FAM124A: variants seen among roughly 807,000 people sequenced by gnomAD.
FAM124A encodes the protein family with sequence similarity 124 member A, also known as protein FAM124A.
A neutral mutation model predicts 24.5 loss-of-function variants in FAM124A; 23 were observed. The observed-to-expected ratio is 0.94, with a 90% confidence interval of 0.68 to 1.33. FAM124A has a LOEUF of 1.33. FAM124A is among the 40% of genes most tolerant of loss of function. The pLI is 0.00. For missense variants in FAM124A, 623 were observed against 722.8 expected, an observed-to-expected ratio of 0.86 and a Z score of 1.58; for synonymous variants, 287 against 314.7, an observed-to-expected ratio of 0.91 and a Z score of 0.93.
At chr13:51,239,832 GTAGA>G (rs67600869) in intron 2 of FAM124A, among the ~76,000 whole-genome samples, 6,509 of 152,270 alleles carry the variant, frequency 0.043, 303 homozygotes, top group East Asian at 0.26. Context: ...AGATACATAT[GTAGA>G]TAGATAGTAG....
rs556675883 is a variant in FAM124A, at chr13:51,239,581, C to T, written c.100+8202C>T. Among the ~76,000 whole-genome samples the T allele has an allele frequency of 6.6e-5, 10 of 152,292 alleles. No homozygotes were observed. The South Asian group carries it at 1.9e-3, about 28-fold the overall frequency. ...TATTGTTGGTCCTATAGGTTGTATTCACTGTTTTACTACTGTAAACAGCAT... is the reference window on the plus strand; with the variant it reads ...TATTGTTGGTCCTATAGGTTGTATTTACTGTTTTACTACTGTAAACAGCAT... On this transcript the variant is annotated intron_variant, in intron 2 of 3. Coordinates refer to ENST00000322475, the MANE Select transcript of FAM124A (RefSeq NM_001242312.2).
intron 3 of FAM124A, among the ~76,000 whole-genome samples, chr13:51,260,782 G>A (rs1954727568): frequency 6.6e-6 from 1 of 152,160 alleles, no homozygotes; most frequent in South Asian, 2.1e-4. Context: ...AACCTGGAGG[G>A]CTTGTCAGAC....
intron 1 of FAM124A, among the ~76,000 whole-genome samples, chr13:51,228,951 G>C (rs1473759354): frequency 6.6e-6 from 1 of 152,186 alleles, no homozygotes. Context: ...GCCAACAAAA[G>C]GGTTGAATAA....
Position 51,280,737 on chromosome 13 carries a change from C to T in FAM124A, c.1122C>T (p.Ala374=). ...FCLPTGGPSL[A]SSAEPQWFSN... ...TGCCCACGGGAGGCCCCTCCCTGGC[C>T]TCCTCAGCTGAACCACAGTGGTTTT... Residue 374 remains alanine (A), a synonymous_variant, in exon 4 of 4, where the codon GCC becomes GCT. Transcript: ENST00000322475. 4 of 1,614,200 alleles carry T rather than the reference C, an allele frequency of 2.5e-6. No individual in the cohort carries two copies. Among genetic ancestry groups the T allele is most frequent in the Non-Finnish European group, 3.4e-6 (4 of 1,180,032 alleles).
chr13:51,256,257 C>G (rs975878763), intron 3 of FAM124A, among the ~76,000 whole-genome samples: 4 of 152,178 alleles, frequency 2.6e-5, no homozygotes, highest in Non-Finnish European at 4.4e-5. Flanking sequence ...ATTGTGAGAG[C>G]AGGTAGTTCC....
At chr13:51,245,313 T>A (rs372151140) in intron 2 of FAM124A, 2 of 674,180 alleles carry the variant, frequency 3.0e-6, no homozygotes, top group Admixed American at 4.5e-5. Flanking sequence ...ATTATGCAGA[T>A]GGATTCTCCA....
intron 2 of FAM124A, among the ~76,000 whole-genome samples, chr13:51,242,273 T>C (rs1401019674): frequency 6.6e-6 from 1 of 152,218 alleles, no homozygotes; most frequent in Non-Finnish European, 1.5e-5. Context: ...TTAGAGAGAA[T>C]TAAAATTACT....
intron 3 of FAM124A, among the ~76,000 whole-genome samples, chr13:51,264,178 G>A (rs1954763034): frequency 6.6e-6 from 1 of 152,142 alleles, no homozygotes; most frequent in South Asian, 2.1e-4. Context: ...GCCCATGATT[G>A]CTATTTGTCC....
chr13:51,280,493 A>G lies in FAM124A; in HGVS notation c.878A>G (p.His293Arg). 6.2e-7 allele frequency: 1 copy of G among 1,613,500 alleles called. No individual in the cohort carries two copies. The highest frequency in any genetic ancestry group is 8.5e-7 in the Non-Finnish European group (1 of 1,179,710). ...AAGTTTCCTAAACCTGGCAGAGTACATCATGCCTCCGAGAAGAAACGTCAT... is the reference window on the plus strand; with the variant it reads ...AAGTTTCCTAAACCTGGCAGAGTACGTCATGCCTCCGAGAAGAAACGTCAT... ...HKKFPKPGRV[H>R]HASEKKRHST... Residue 293 changes from histidine to arginine, a missense_variant, in exon 4 of 4, where the codon CAT becomes CGT. Physicochemically the swap from His to Arg is conservative, Grantham distance 29 (BLOSUM62 0). Coordinates refer to ENST00000322475, the MANE Select transcript of FAM124A (RefSeq NM_001242312.2).
At chr13:51,267,765 G>C (rs1164793572) in intron 3 of FAM124A, among the ~76,000 whole-genome samples, 1 of 152,148 alleles carries the variant, frequency 6.6e-6, no homozygotes, top group Admixed American at 6.5e-5. Context: ...TTCAGCACCG[G>C]TCAGCTCCAG....
At chr13:51,271,261 C>T (rs571311089) in intron 3 of FAM124A, among the ~76,000 whole-genome samples, 1 of 152,288 alleles carries the variant, frequency 6.6e-6, no homozygotes, top group East Asian at 1.9e-4. Context: ...TTATACAGGG[C>T]ACAGTTTTTC....
At chr13:51,225,732 C>G (rs182699316) in intron 1 of FAM124A, among the ~76,000 whole-genome samples, 7 of 152,086 alleles carry the variant, frequency 4.6e-5, no homozygotes, top group Admixed American at 4.6e-4. Context: ...GTGGTGGAGG[C>G]AGGAGCCAGA....
intron 2 of FAM124A, among the ~76,000 whole-genome samples, chr13:51,240,291 G>T (rs1954477282): frequency 6.6e-6 from 1 of 152,142 alleles, no homozygotes; most frequent in Non-Finnish European, 1.5e-5. Flanking sequence ...CACATCACCT[G>T]ATTCGGGAAG....
chr13:51,244,964 C>T (rs1954541156), intron 2 of FAM124A, among the ~76,000 whole-genome samples: 3 of 152,190 alleles, frequency 2.0e-5, no homozygotes, highest in Admixed American at 1.3e-4. Context: ...GAAGTGGCAT[C>T]GTTCATCTGG....
At chr13:51,244,833 A>G (rs1382764795) in intron 2 of FAM124A, among the ~76,000 whole-genome samples, 1 of 152,206 alleles carries the variant, frequency 6.6e-6, no homozygotes, top group Non-Finnish European at 1.5e-5. Context: ...ATGCCCACCC[A>G]GGCGAAACAG....
rs1954852667 is a variant in FAM124A at position 51,272,932 on chromosome 13, T to C, written c.835-7518T>C. Among the ~76,000 whole-genome samples the C allele has an allele frequency of 6.6e-6, 1 of 152,238 alleles. No individual in the cohort carries two copies. Among genetic ancestry groups the C allele is most frequent in the African/African-American group, 2.4e-5 (1 of 41,472 alleles). ...ACATTTACATCATTGCACAGAGTTC[T>C]ATAGACAGCACTGCTCTAAGAAATG... On this transcript the variant is annotated intron_variant, in intron 3 of 3. Coordinates refer to ENST00000322475, the MANE Select transcript of FAM124A (RefSeq NM_001242312.2). This position sits in a 1 kb window ranked among gnomAD's most constrained non-coding sequence, Gnocchi z 4.2.
chr13:51,258,723 C>T lies in FAM124A; in HGVS notation c.834+6522C>T, dbSNP rs954290086. Among the ~76,000 whole-genome samples the T allele has an allele frequency of 6.6e-6, 1 of 152,226 alleles. No individual in the cohort carries two copies. Among genetic ancestry groups the T allele is most frequent in the Admixed American group, 6.5e-5 (1 of 15,292 alleles). ...GGGAACCTTTGTTTCCAAATCTGAACACTTAGGATGGTAATTCTTCCCTAG... is the reference window on the plus strand; with the variant it reads ...GGGAACCTTTGTTTCCAAATCTGAATACTTAGGATGGTAATTCTTCCCTAG... On this transcript the variant is annotated intron_variant, in intron 3 of 3. Coordinates refer to ENST00000322475, the MANE Select transcript of FAM124A (RefSeq NM_001242312.2). This position sits in a 1 kb window ranked among gnomAD's most constrained non-coding sequence, Gnocchi z 4.2.
At chr13:51,250,351 GC>G (rs1467284228) in intron 2 of FAM124A, among the ~76,000 whole-genome samples, 3 of 152,134 alleles carry the variant, frequency 2.0e-5, no homozygotes, top group Non-Finnish European at 4.4e-5. Context: ...GGTGAATCTA[GC>G]CCCCTAAATC....
chr13:51,224,617 T>C (rs1196313297), intron 1 of FAM124A, among the ~76,000 whole-genome samples: 1 of 152,226 alleles, frequency 6.6e-6, no homozygotes, highest in Non-Finnish European at 1.5e-5. Flanking sequence ...CTGTTCATCG[T>C]TTCCCTGCTT....
Sources: allele counts gnomAD v4.1 joint callset (sites outside exome capture counted in the v4.1 genomes callset), GRCh38; gene constraint gnomAD v4.1.1; non-coding constraint Gnocchi (gnomAD v3.1); transcripts MANE v1.5; gene names NCBI Gene and HGNC (gene_info 2026-07-23, HGNC 2026-07-21).